Variants in ELP4 observed in about 807,000 individuals in gnomAD.
ELP4 encodes elongator acetyltransferase complex subunit 4.
A neutral mutation model predicts 48.9 loss-of-function variants in ELP4; 51 were observed. That is an observed-to-expected ratio of 1.04 (90% CI 0.83 to 1.32). The LOEUF (loss-of-function observed/expected upper bound fraction) is 1.32, where lower values mean the gene tolerates loss of function less well. Ranked by LOEUF, ELP4 falls within the 40% of genes most tolerant of loss-of-function variation. The probability of loss-of-function intolerance (pLI) is 0.00; values close to 1 mark genes in which losing one functional copy is unlikely to be tolerated. For synonymous variants in ELP4, 210 were observed against 189.2 expected, an observed-to-expected ratio of 1.11 and a Z score of -0.90; for missense variants, 519 against 514.6, an observed-to-expected ratio of 1.01 and a Z score of -0.08.
At chr11:31,581,549 A>T (rs1565065313) in intron 3 of ELP4, among the ~76,000 whole-genome samples, 1 of 152,136 alleles carries the variant, frequency 6.6e-6, no homozygotes, top group Non-Finnish European at 1.5e-5. Flanking sequence ...TGACGTGTTC[A>T]CACCCAACCT....
intron 7 of ELP4, among the ~76,000 whole-genome samples, chr11:31,643,880 T>C (rs1387615329): frequency 6.6e-6 from 1 of 151,868 alleles, no homozygotes; most frequent in Non-Finnish European, 1.5e-5. Flanking sequence ...CTGGACAATC[T>C]GATTTGCTTT....
intron 3 of ELP4, among the ~76,000 whole-genome samples, chr11:31,581,942 A>G (rs778523522): frequency 1.8e-4 from 28 of 151,894 alleles, no homozygotes; most frequent in Non-Finnish European, 2.9e-4. Flanking sequence ...TTTGTAGAGA[A>G]AGGATCTCAC....
At chr11:31,634,950 T>C (rs1944941039) in intron 7 of ELP4, among the ~76,000 whole-genome samples, 1 of 151,972 alleles carries the variant, frequency 6.6e-6, no homozygotes, top group Non-Finnish European at 1.5e-5. Flanking sequence ...CTCTCATTCC[T>C]AGACGATTTT....
intron 3 of ELP4, among the ~76,000 whole-genome samples, chr11:31,562,658 C>T (rs1203981574): frequency 6.6e-6 from 1 of 151,996 alleles, no homozygotes; most frequent in African/African-American, 2.4e-5. Context: ...GATATTGCCA[C>T]TTTTATATTC....
intron 3 of ELP4, among the ~76,000 whole-genome samples, chr11:31,583,575 C>A (rs545237264): frequency 1.9e-4 from 29 of 152,170 alleles, no homozygotes; most frequent in African/African-American, 7.0e-4. Flanking sequence ...GCACTCCAGC[C>A]TGGGCCACAC....
chr11:31,779,641 G>C (rs1041223724), intron 9 of ELP4: 1 of 152,200 alleles, frequency 6.6e-6, no homozygotes, highest in Admixed American at 6.5e-5. Flanking sequence ...ATGGGCCTAA[G>C]GGTGCCTTTT....
intron 9 of ELP4, among the ~76,000 whole-genome samples, chr11:31,760,424 G>A (rs1303343129): frequency 6.6e-6 from 1 of 152,174 alleles, no homozygotes; most frequent in Non-Finnish European, 1.5e-5. Context: ...TTAACAGGTT[G>A]AAATATATCT....
At chr11:31,517,203 A>G (rs1304973307) in intron 1 of ELP4, among the ~76,000 whole-genome samples, 1 of 149,564 alleles carries the variant, frequency 6.7e-6, no homozygotes, top group Non-Finnish European at 1.5e-5. Context: ...TTTTTTTTTG[A>G]GACAGAGTCT....
intron 9 of ELP4, chr11:31,780,589 C>T (rs921990656): frequency 6.6e-6 from 1 of 152,168 alleles, no homozygotes; most frequent in Non-Finnish European, 1.5e-5. Context: ...AAGTCTCACA[C>T]GAATGATATT....
chr11:31,560,307 T>G (rs1033220176), intron 3 of ELP4, among the ~76,000 whole-genome samples: 2 of 152,158 alleles, frequency 1.3e-5, no homozygotes, highest in African/African-American at 4.8e-5. Flanking sequence ...AGTAAAGATC[T>G]TTGTTACTAT....
At chr11:31,543,342 C>T (rs776163828) in intron 3 of ELP4, among the ~76,000 whole-genome samples, 3 of 151,902 alleles carry the variant, frequency 2.0e-5, no homozygotes, top group Non-Finnish European at 2.9e-5. Context: ...GTTTTTGGGA[C>T]GGAGTCTCAC....
rs1255269560 is a variant in ELP4, at chr11:31,669,128, C to T, written c.1143+18907C>T. Among the ~76,000 whole-genome samples, 3 of 151,176 alleles carry T rather than the reference C, an allele frequency of 2.0e-5. No homozygotes were observed. The East Asian group carries it at 5.8e-4, about 29-fold the overall frequency. ...TTTTTATTTTATTTTGGGATGGAGT[C>T]TCGCTCTGTCACCAGGCTGGAGTGC... is the stretch of plus-strand genomic sequence containing the variant. On this transcript the variant is annotated intron_variant, in intron 9 of 9. Transcript: ENST00000640961.
intron 5 of ELP4, among the ~76,000 whole-genome samples, chr11:31,608,516 C>CAG (rs1957917870): frequency 6.6e-6 from 1 of 150,776 alleles, no homozygotes; most frequent in Admixed American, 6.6e-5. Flanking sequence ...TTGATGGGGT[C>CAG]CTGGTGAGCA....
Position 31,627,195 on chromosome 11 carries a change from G to GTAT in ELP4, c.738+4_738+6dup. On this transcript the variant is annotated splice_donor_variant, in intron 6 of 9. Coordinates refer to ENST00000640961, the MANE Select transcript of ELP4 (RefSeq NM_019040.5). LOFTEE classifies it high-confidence loss of function. ...AGGATTTGATGGATCCAATCCTCAGGTATTAAATAGCTTCAAAGTCTTTTA... is the reference window on the plus strand; with the variant it reads ...AGGATTTGATGGATCCAATCCTCAGGTATTATTAAATAGCTTCAAAGTCTTTTA... The GTAT allele has an allele frequency of 7.6e-7, 1 of 1,321,574 alleles. No homozygotes were observed. Among genetic ancestry groups the GTAT allele is most frequent in the Non-Finnish European group, 1.0e-6 (1 of 992,272 alleles). 81.9% of individuals were successfully genotyped at this position (1,321,574 alleles called of 1,614,324 possible).
At chr11:31,511,489 T>C (rs1396930464) in intron 1 of ELP4, 1 of 152,186 alleles carries the variant, frequency 6.6e-6, no homozygotes, top group Non-Finnish European at 1.5e-5. Flanking sequence ...AGTTGTTGAA[T>C]ACAAGAAAAA....
At chr11:31,664,773 T>C (rs1945636605) in intron 9 of ELP4, among the ~76,000 whole-genome samples, 1 of 152,162 alleles carries the variant, frequency 6.6e-6, no homozygotes, top group South Asian at 2.1e-4. Context: ...ATCTTACTCC[T>C]GTATCTAAAA....
chr11:31,551,947 A>G (rs1177191587), intron 3 of ELP4, among the ~76,000 whole-genome samples: 1 of 152,144 alleles, frequency 6.6e-6, no homozygotes, highest in African/African-American at 2.4e-5. Flanking sequence ...AGTAACAAAA[A>G]TAATAATAAT....
intron 9 of ELP4, among the ~76,000 whole-genome samples, chr11:31,725,332 G>A (rs1273259825): frequency 1.3e-5 from 2 of 152,042 alleles, no homozygotes; most frequent in African/African-American, 4.8e-5. Context: ...CATCATCTTG[G>A]GTAGAACACC....
At chr11:31,756,771 C>T (rs1947842767) in intron 9 of ELP4, among the ~76,000 whole-genome samples, 1 of 152,202 alleles carries the variant, frequency 6.6e-6, no homozygotes, top group South Asian at 2.1e-4. Context: ...TCCTTCTCTA[C>T]TTTGATTTCA....
Sources: allele counts gnomAD v4.1 joint callset (sites outside exome capture counted in the v4.1 genomes callset), GRCh38; gene constraint gnomAD v4.1.1; transcripts MANE v1.5; gene names NCBI Gene and HGNC (gene_info 2026-07-23, HGNC 2026-07-21).